Variants in ANO1 observed in about 807,000 individuals in gnomAD.
The protein encoded by ANO1 is anoctamin 1.
A neutral mutation model predicts 124.0 loss-of-function variants in ANO1; 59 were observed. The observed-to-expected ratio is 0.48, with a 90% CI of 0.39 to 0.59. The LOEUF is 0.59. Among genes scored for constraint, ANO1 ranks in the 20% least tolerant of loss-of-function variants. The pLI is 0.00. For missense variants in ANO1, 1,059 were observed against 1,328.0 expected, an observed-to-expected ratio of 0.80 and a Z score of 3.15; for synonymous variants, 529 against 532.0, an observed-to-expected ratio of 0.99 and a Z score of 0.08.
Position 70,187,764 on chromosome 11 carries a change from T to C in ANO1, c.2721T>C (p.Phe907=). The C allele has an allele frequency of 6.2e-7, 1 of 1,609,572 alleles. No individual in the cohort carries two copies. Among genetic ancestry groups the C allele is most frequent in the Non-Finnish European group, 8.5e-7 (1 of 1,178,236 alleles). The change falls in exon 26 of 26, where the codon TTT becomes TTC. Residue 907 remains phenylalanine (F), a synonymous_variant. Transcript: ENST00000355303. ...ACCTGGTCATGTTCATGAGCGACTT[T>C]GTGGACTGGGTCATCCCGGACATCC... ...FQNLVMFMSD[F]VDWVIPDIPK... is the part of the protein sequence containing the mutation.
At position 70,078,733 on chromosome 11, in the gene ANO1, G is replaced by A. The variant is rs1471703111; in HGVS notation, c.108+19G>A. On this transcript the variant is annotated intron_variant, in intron 1 of 25. Transcript: ENST00000355303. ...GGGCACGGTGAGTGCGGGCGGCCGC[G>A]ACCCGGGCGGGAGGGCCGCGCACCT... The A allele has an allele frequency of 7.0e-7, 1 of 1,437,274 alleles. No individual in the cohort carries two copies. Among genetic ancestry groups the A allele is most frequent in the Non-Finnish European group, 9.3e-7 (1 of 1,078,612 alleles). 89.0% of individuals were successfully genotyped at this position (1,437,274 alleles called of 1,614,324 possible).
intron 17 of ANO1, 123 bp from the exon 18 acceptor site, chr11:70,161,499 C>G: frequency 7.3e-7 from 1 of 1,378,308 alleles, no homozygotes; most frequent in South Asian, 1.2e-5. Context: ...ATCCTGAGCA[C>G]AGGCCATGGT....
intron 2 of ANO1, among the ~76,000 whole-genome samples, chr11:70,092,693 T>C (rs7947615): frequency 0.77 from 116,508 of 152,106 alleles, 44,701 homozygotes; most frequent in Middle Eastern, 0.85. Flanking sequence ...CAGGAGAGGC[T>C]TCCCCAGAGC....
Position 70,161,237 on chromosome 11 carries a change from C to G in ANO1, c.1655C>G (p.Ser552Cys). 6.2e-7 allele frequency: 1 copy of G among 1,613,930 alleles called. No individual in the cohort carries two copies. ...ATGGCCGCCGCCTTGGCCATGAACT[C>G]CTCCCCCTCCGTGCGGTCCAACATC... ...ISMAAALAMN[S>C]SPSVRSNIRV... Residue 552 changes from serine (S) to cysteine (C), a missense_variant, in exon 17 of 26, where the codon TCC (serine) becomes TGC (cysteine). Physicochemically the swap from Ser to Cys is moderately radical, Grantham distance 112 (BLOSUM62 -1). Coordinates refer to ENST00000355303, the MANE Select transcript of ANO1 (RefSeq NM_018043.7).
intron 1 of ANO1, among the ~76,000 whole-genome samples, chr11:70,003,624 T>C (rs1376242676): frequency 1.3e-5 from 2 of 151,514 alleles, no homozygotes; most frequent in African/African-American, 2.4e-5. Flanking sequence ...GATGGATGGA[T>C]GGATGGATGG....
intron 1 of ANO1, among the ~76,000 whole-genome samples, chr11:70,055,064 T>G (rs1420049494): frequency 2.0e-5 from 3 of 152,226 alleles, no homozygotes; most frequent in Non-Finnish European, 4.4e-5. Flanking sequence ...AGTTTTTTTA[T>G]AGTTGTCCTT....
chr11:70,099,211 G>T (rs1327282576), intron 2 of ANO1, among the ~76,000 whole-genome samples: 1 of 152,192 alleles, frequency 6.6e-6, no homozygotes, highest in East Asian at 1.9e-4. Context: ...AAGGGGACAC[G>T]GCTGTCACTC....
At chr11:70,017,267 A>T (rs1483060758) in intron 1 of ANO1, among the ~76,000 whole-genome samples, 1 of 152,186 alleles carries the variant, frequency 6.6e-6, no homozygotes, top group African/African-American at 2.4e-5. Flanking sequence ...CCCTACCCCA[A>T]CGGAACTGCA....
At chr11:70,126,497 T>C (rs1191135953) in intron 10 of ANO1, among the ~76,000 whole-genome samples, 1 of 152,260 alleles carries the variant, frequency 6.6e-6, no homozygotes, top group African/African-American at 2.4e-5. Context: ...TCTTTTTCAC[T>C]GTTGGTCATT....
Position 70,111,782 on chromosome 11 carries a change from G to A in ANO1, c.855+20G>A, listed in dbSNP as rs199587764. 4.1e-5 allele frequency: 66 copies of A among 1,613,260 alleles called. No individual in the cohort carries two copies. The Admixed American group carries it at 8.7e-4, about 21-fold the overall frequency. ...CACGATGTAAGTAACCTTGACACAC[G>A]ATTTATCTCTGCGTCATTTGACTCC... is the stretch of plus-strand genomic sequence containing the variant. On this transcript the variant is annotated intron_variant, in intron 7 of 25. Coordinates refer to ENST00000355303, the MANE Select transcript of ANO1 (RefSeq NM_018043.7).
chr11:69,966,072 A>G, the ANO1 span, among the ~76,000 whole-genome samples: 54 of 152,276 alleles, frequency 3.5e-4, no homozygotes, highest in African/African-American at 1.2e-3. Context: ...ATCCAAAAAA[A>G]AAGGAGGTTA....
intron 11 of ANO1, among the ~76,000 whole-genome samples, chr11:70,141,392 A>G (rs1590841457): frequency 6.6e-6 from 1 of 151,746 alleles, no homozygotes; most frequent in Admixed American, 6.6e-5. Flanking sequence ...GTGCCTGCTG[A>G]CCCCGCGGGA....
intron 23 of ANO1, among the ~76,000 whole-genome samples, chr11:70,181,950 G>T (rs1244413129): frequency 1.3e-5 from 2 of 152,224 alleles, no homozygotes; most frequent in African/African-American, 4.8e-5. Context: ...GAGAGGTTAG[G>T]TGATTTGCCC....
chr11:70,187,078 A>G (rs536590413), intron 25 of ANO1, among the ~76,000 whole-genome samples: 1 of 152,052 alleles, frequency 6.6e-6, no homozygotes, highest in African/African-American at 2.4e-5. Context: ...GGGAGATGGG[A>G]TGGGGCATAA....
intron 1 of ANO1, among the ~76,000 whole-genome samples, chr11:70,069,105 G>A (rs995618936): frequency 3.3e-5 from 5 of 152,216 alleles, no homozygotes; most frequent in Admixed American, 6.5e-5. Context: ...CAGAGGGCCC[G>A]GGGCCATCTC....
intron 24 of ANO1, 43 bp from the exon 25 acceptor site, chr11:70,185,547 C>T (rs1221996505): frequency 2.5e-6 from 4 of 1,574,972 alleles, no homozygotes; most frequent in East Asian, 2.3e-5. Context: ...GAGCCTGAGC[C>T]CCACCGAAGT....
At chr11:69,977,224 GC>G in the ANO1 span, among the ~76,000 whole-genome samples, 1 of 152,204 alleles carries the variant, frequency 6.6e-6, no homozygotes, top group Non-Finnish European at 1.5e-5. Flanking sequence ...CGTGACCCTA[GC>G]GAGTCCGGTT....
chr11:69,999,178 A>G (rs968645480), intron 1 of ANO1, among the ~76,000 whole-genome samples: 36 of 152,166 alleles, frequency 2.4e-4, no homozygotes, highest in Non-Finnish European at 4.3e-4. Context: ...GCTTCTGGGT[A>G]GGACTCAGGA....
At chr11:70,096,962 C>T (rs1590720756) in intron 2 of ANO1, among the ~76,000 whole-genome samples, 2 of 152,120 alleles carry the variant, frequency 1.3e-5, no homozygotes, top group African/African-American at 4.8e-5. Flanking sequence ...AATACCAGTC[C>T]TCCCTGGTGC....
Sources: allele counts gnomAD v4.1 joint callset (sites outside exome capture counted in the v4.1 genomes callset), GRCh38; gene constraint gnomAD v4.1.1; transcripts MANE v1.5; gene names NCBI Gene and HGNC (gene_info 2026-07-23, HGNC 2026-07-21).